Variants in TTC23 observed in about 807,000 individuals in gnomAD.
TTC23 encodes the protein tetratricopeptide repeat protein 23.
TTC23 carries 58 observed loss-of-function variants against 55.1 expected under a neutral mutation model. The observed-to-expected ratio is 1.05, with a 90% CI of 0.85 to 1.31. The LOEUF (loss-of-function observed/expected upper bound fraction) is 1.31. Among genes scored for constraint, TTC23 ranks in the 50% most tolerant of loss-of-function variants. The pLI is 0.00. For synonymous variants in TTC23, 203 were observed against 199.9 expected (o/e 1.02, Z -0.13); for missense variants, 516 against 534.4 (o/e 0.97, Z 0.34).
intron 8 of TTC23, among the ~76,000 whole-genome samples, chr15:99,216,291 A>C (rs1160117041): frequency 3.3e-5 from 5 of 152,210 alleles, no homozygotes; most frequent in African/African-American, 4.8e-5. Flanking sequence ...GTAGAGTTAA[A>C]GTAGGTCTTG....
At position 99,206,568 on chromosome 15, in the gene TTC23, T is replaced by A. The variant is rs4965456; in HGVS notation, c.582-6472A>T. On this transcript the variant is annotated intron_variant, in intron 8 of 13. Coordinates refer to ENST00000394132, the MANE Select transcript of TTC23 (RefSeq NM_001288615.3). ...ATGTGTCTAGGAACTTATCCATTTA[T>A]TCTAGATTTTCCAGTTTATTACATA... is the stretch of plus-strand genomic sequence containing the variant. Among the ~76,000 whole-genome samples, 925 of 152,272 alleles carry A rather than the reference T, an allele frequency of 6.1e-3. 15 individuals carry two copies. The highest frequency in any genetic ancestry group is 0.021 in the African/African-American group (874 of 41,566).
At chr15:99,197,680 C>T (rs925825492) in intron 9 of TTC23, among the ~76,000 whole-genome samples, 1 of 151,828 alleles carries the variant, frequency 6.6e-6, no homozygotes, top group Non-Finnish European at 1.5e-5. Context: ...CCAAGGTGGG[C>T]AGATCACTTG....
At chr15:99,237,953 G>A (rs925806234) in intron 3 of TTC23, among the ~76,000 whole-genome samples, 1 of 151,894 alleles carries the variant, frequency 6.6e-6, no homozygotes, top group African/African-American at 2.4e-5. Flanking sequence ...ATTGCAACTT[G>A]TTTATTTATT....
Position 99,137,752 on chromosome 15 carries a change from TAA to T in TTC23, c.*256_*257del, listed in dbSNP as rs1253144952. 5 of 485,748 alleles carry T rather than the reference TAA, an allele frequency of 1.0e-5. No individual in the cohort carries two copies. Among genetic ancestry groups the T allele is most frequent in the African/African-American group, 9.7e-5 (5 of 51,430 alleles). The allele number at this position is 485,748 out of a possible 1,614,324, so 30.1% of individuals were successfully genotyped here. A position where few individuals can be genotyped will look rare whatever the true frequency, so the allele number is the denominator to read the frequency against. ...TTTCAGCCACAGTAGTGCTGATGGGTAAAAATTCTTGTTGGCAAGAAAAACCA... is the reference window on the plus strand; with the variant it reads ...TTTCAGCCACAGTAGTGCTGATGGGTAAATTCTTGTTGGCAAGAAAAACCA... On this transcript the variant is annotated 3_prime_UTR_variant, in exon 14 of 14. Transcript: ENST00000394132.
intron 10 of TTC23, among the ~76,000 whole-genome samples, chr15:99,164,198 G>A (rs2071749624): frequency 6.6e-6 from 1 of 152,208 alleles, no homozygotes; most frequent in African/African-American, 2.4e-5. Flanking sequence ...GTAAAGGACA[G>A]GATGGTAAAT....
At chr15:99,248,326 G>C (rs897827003) in intron 1 of TTC23, 4 of 152,112 alleles carry the variant, frequency 2.6e-5, no homozygotes, top group African/African-American at 9.7e-5. Context: ...CCAAACACAG[G>C]ACCCAAACCC....
chr15:99,203,329 A>G (rs866821667), intron 8 of TTC23, among the ~76,000 whole-genome samples: 9 of 152,118 alleles, frequency 5.9e-5, no homozygotes, highest in African/African-American at 2.2e-4. Flanking sequence ...TTTTAAAAAA[A>G]TTTTAAATTA....
chr15:99,169,637 G>C (rs749009366), intron 10 of TTC23, among the ~76,000 whole-genome samples: 1 of 152,278 alleles, frequency 6.6e-6, no homozygotes, highest in East Asian at 1.9e-4. Flanking sequence ...CAGGCCACAG[G>C]GGGAAGAGTT....
rs567338311 is a variant in TTC23 at position 99,144,018 on chromosome 15, G to A, written c.1144-4619C>T. ...CTGCTAGGGAAGTTCCACTGGGTGT[G>A]TGGTGTGAAAAGCCCTCGAAATTCC... is the stretch of plus-strand genomic sequence containing the variant. On this transcript the variant is annotated intron_variant, in intron 12 of 13. Coordinates refer to ENST00000394132, the MANE Select transcript of TTC23 (RefSeq NM_001288615.3). Among the ~76,000 whole-genome samples the A allele has an allele frequency of 3.2e-4, 49 of 152,352 alleles. No individual in the cohort carries two copies. The South Asian group carries it at 0.01, about 32-fold the overall frequency.
At position 99,136,730 on chromosome 15, in the gene TTC23, C is replaced by G. The variant is rs1188872674; in HGVS notation, c.*1280G>C. 6.8e-6 allele frequency: 1 copy of G among 146,216 alleles called. No homozygotes were observed. Among genetic ancestry groups the G allele is most frequent in the Non-Finnish European group, 1.5e-5 (1 of 66,678 alleles). 9.1% of individuals were successfully genotyped at this position (146,216 alleles called of 1,614,324 possible). On this transcript the variant is annotated 3_prime_UTR_variant, in exon 14 of 14. Transcript: ENST00000394132. ...CCTTAGCTGACTCCACCCATGTCAA[C>G]TAGATAGGACACACGGTGAGTAGTG...
rs760721072 is a variant in TTC23, at chr15:99,156,302, G to GAAAGGAAC, written c.994-13_994-6dup. On this transcript the variant is annotated splice_polypyrimidine_tract_variant and splice_region_variant and intron_variant, in intron 11 of 13. Transcript: ENST00000394132. ...TCTCAGGATCGAGGTTGCTCTCTGT[G>GAAAGGAAC]AAAGGAACAAAAAGCTATCTGGTTA... is the stretch of plus-strand genomic sequence containing the variant. The GAAAGGAAC allele has an allele frequency of 6.2e-7, 1 of 1,613,052 alleles. No homozygotes were observed. The highest frequency in any genetic ancestry group is 1.3e-5 in the African/African-American group (1 of 74,828).
intron 8 of TTC23, among the ~76,000 whole-genome samples, chr15:99,213,602 G>C (rs1399495125): frequency 6.6e-6 from 1 of 152,146 alleles, no homozygotes; most frequent in East Asian, 1.9e-4. Context: ...AGGGATTCTG[G>C]ACTGGTAAAG....
At chr15:99,215,525 G>A (rs2077407652) in intron 8 of TTC23, among the ~76,000 whole-genome samples, 1 of 152,116 alleles carries the variant, frequency 6.6e-6, no homozygotes, top group Admixed American at 6.5e-5. Context: ...TGGGTGGACT[G>A]CTTGAGCCCA....
intron 8 of TTC23, among the ~76,000 whole-genome samples, chr15:99,203,415 C>T (rs2076354496): frequency 1.3e-5 from 2 of 151,888 alleles, no homozygotes; most frequent in African/African-American, 2.4e-5. Flanking sequence ...AGTTAATGAT[C>T]GAATCAGGGT....
chr15:99,140,873 C>G (rs2068147997), intron 12 of TTC23: 1 of 152,190 alleles, frequency 6.6e-6, no homozygotes, highest in Non-Finnish European at 1.5e-5. Flanking sequence ...ATTCAGAATA[C>G]ATGAAGAATT....
intron 12 of TTC23, chr15:99,148,552 G>C (rs2069276832): frequency 6.6e-6 from 1 of 151,966 alleles, no homozygotes; most frequent in Non-Finnish European, 1.5e-5. Flanking sequence ...CTAAAGTAGT[G>C]AGGCAGTGGA....
chr15:99,182,266 A>G (rs1399072268), intron 9 of TTC23, among the ~76,000 whole-genome samples: 1 of 151,108 alleles, frequency 6.6e-6, no homozygotes, highest in Non-Finnish European at 1.5e-5. Flanking sequence ...ACACACACAC[A>G]CACACACACA....
chr15:99,188,579 T>C (rs1224405798), intron 9 of TTC23, among the ~76,000 whole-genome samples: 1 of 152,050 alleles, frequency 6.6e-6, no homozygotes, highest in African/African-American at 2.4e-5. Flanking sequence ...ATGTATAAGA[T>C]ATGAAGGATT....
At chr15:99,222,544 C>A (rs2078034905) in intron 5 of TTC23, among the ~76,000 whole-genome samples, 1 of 152,204 alleles carries the variant, frequency 6.6e-6, no homozygotes, top group South Asian at 2.1e-4. Flanking sequence ...GCCATCTGCA[C>A]TAGCATAGCA....
Sources: allele counts gnomAD v4.1 joint callset (sites outside exome capture counted in the v4.1 genomes callset), GRCh38; gene constraint gnomAD v4.1.1; transcripts MANE v1.5; gene names NCBI Gene and HGNC (gene_info 2026-07-23, HGNC 2026-07-21).